The following KCNIP1 variants were observed in gnomAD, a reference collection of about 807,000 sequenced individuals.
KCNIP1 encodes the protein A-type potassium channel modulatory protein KCNIP1.
KCNIP1 carries 18 observed loss-of-function variants against 33.0 expected under a neutral mutation model. The observed-to-expected ratio is 0.55, with a 90% CI of 0.38 to 0.81. KCNIP1 has a LOEUF of 0.81. KCNIP1 is among the 30% of genes least tolerant of loss of function. The probability of loss-of-function intolerance (pLI) is 0.00; values close to 1 mark genes in which losing one functional copy is unlikely to be tolerated. For missense variants in KCNIP1, 238 were observed against 271.6 expected, an observed-to-expected ratio of 0.88 and a Z score of 0.87; for synonymous variants, 93 against 98.3, an observed-to-expected ratio of 0.95 and a Z score of 0.32.
chr5:170,639,999 C>T (rs947369548), intron 1 of KCNIP1, among the ~76,000 whole-genome samples: 4 of 152,246 alleles, frequency 2.6e-5, no homozygotes, highest in Non-Finnish European at 5.9e-5. Context: ...AATATCACCC[C>T]ATGGCTGCCA....
At chr5:170,409,980 G>A (rs544787913) in intron 1 of KCNIP1, among the ~76,000 whole-genome samples, 1 of 132,076 alleles carries the variant, frequency 7.6e-6, no homozygotes, top group East Asian at 2.0e-4. Flanking sequence ...CATTTGACTG[G>A]CATTTTTAAG....
At chr5:170,606,593 G>GT (rs1330270675) in intron 1 of KCNIP1, among the ~76,000 whole-genome samples, 1 of 152,162 alleles carries the variant, frequency 6.6e-6, no homozygotes, top group South Asian at 2.1e-4. Flanking sequence ...CATCTCAAAT[G>GT]TTTTTTCCAT....
In KCNIP1 at chr5:170,380,699, G is replaced by A. The variant is rs1764204386; in HGVS notation, c.88+26735G>A. 2.0e-5 allele frequency among the ~76,000 whole-genome samples: 3 copies of A among 152,350 alleles called. No homozygotes were observed. The South Asian group carries it at 6.2e-4, about 32-fold the overall frequency. ...CAGGTCCTCAGTAGCATATAATCCA[G>A]CATCCTGAGCTGACGGTGAGGGGGC... On this transcript the variant is annotated intron_variant, in intron 1 of 7. Coordinates refer to the KCNIP1 transcript ENST00000377360.
rs112625990 is a variant in KCNIP1 at position 170,702,720 on chromosome 5, G to C, written c.62-16038G>C. Among the ~76,000 whole-genome samples the C allele has an allele frequency of 3.5e-3, 536 of 152,296 alleles. 2 individuals carry two copies. The highest frequency in any genetic ancestry group is 0.012 in the African/African-American group (491 of 41,560). ...AGGTTCCAAAGCATCTGCCCATCAA[G>C]CAGATGATGTGATTAGTCTCTGTGA... On this transcript the variant is annotated intron_variant, in intron 1 of 7. Coordinates refer to ENST00000328939, the MANE Select transcript of KCNIP1 (RefSeq NM_014592.4).
At chr5:170,427,409 A>G (rs1755639158) in intron 1 of KCNIP1, among the ~76,000 whole-genome samples, 1 of 152,114 alleles carries the variant, frequency 6.6e-6, no homozygotes, top group Non-Finnish European at 1.5e-5. Context: ...CATCTCATCT[A>G]ATCCTCACTG....
At position 170,676,984 on chromosome 5, in the gene KCNIP1, T is replaced by G. The variant is rs142511480; in HGVS notation, c.62-41774T>G. ...TGCACCCAGCAATTTCCAGAGGAAGTCTGATTCCCCTACCTGAAGTAACAC... is the reference window on the plus strand; with the variant it reads ...TGCACCCAGCAATTTCCAGAGGAAGGCTGATTCCCCTACCTGAAGTAACAC... On this transcript the variant is annotated intron_variant, in intron 1 of 7. Coordinates refer to ENST00000328939, the MANE Select transcript of KCNIP1 (RefSeq NM_014592.4). Among the ~76,000 whole-genome samples, 751 of 152,288 alleles carry G rather than the reference T, an allele frequency of 4.9e-3. 2 individuals carry two copies. The highest frequency in any genetic ancestry group is 0.017 in the African/African-American group (715 of 41,558).
At chr5:170,553,007 T>C (rs113971097) in intron 1 of KCNIP1, among the ~76,000 whole-genome samples, 2,363 of 152,346 alleles carry the variant, frequency 0.016, 74 homozygotes, top group African/African-American at 0.054. Flanking sequence ...CTGCTTGATA[T>C]GCAGGGAATT....
intron 1 of KCNIP1, among the ~76,000 whole-genome samples, chr5:170,653,704 G>A (rs1365442524): frequency 6.6e-6 from 1 of 151,404 alleles, no homozygotes; most frequent in Non-Finnish European, 1.5e-5. Flanking sequence ...TCTCATCTCT[G>A]CTTGTTTCCC....
chr5:170,567,232 G>A (rs1162902935), intron 1 of KCNIP1, among the ~76,000 whole-genome samples: 1 of 152,230 alleles, frequency 6.6e-6, no homozygotes, highest in African/African-American at 2.4e-5. Context: ...CTGGTGAGCA[G>A]GGAGACCAGG....
At chr5:170,470,487 G>C (rs1217483317) in intron 1 of KCNIP1, among the ~76,000 whole-genome samples, 5 of 152,136 alleles carry the variant, frequency 3.3e-5, no homozygotes, top group African/African-American at 1.2e-4. Context: ...GCCAAACACT[G>C]ATATTGGGAT....
At chr5:170,378,945 T>G in intron 1 of KCNIP1, 16 of 1,614,108 alleles carry the variant, frequency 9.9e-6, no homozygotes, top group Non-Finnish European at 1.4e-5. Flanking sequence ...CGTCTGGTAA[T>G]TGTCCACGCT....
intron 1 of KCNIP1, among the ~76,000 whole-genome samples, chr5:170,698,861 A>G (rs941602240): frequency 3.9e-5 from 6 of 152,158 alleles, no homozygotes; most frequent in African/African-American, 7.2e-5. Context: ...TATTCCCACC[A>G]TTTCCCAGAT....
At chr5:170,466,814 C>T (rs1272883913) in intron 1 of KCNIP1, among the ~76,000 whole-genome samples, 1 of 152,138 alleles carries the variant, frequency 6.6e-6, no homozygotes, top group African/African-American at 2.4e-5. Flanking sequence ...TCCCCAAATC[C>T]CCACCTCCTA....
intron 1 of KCNIP1, among the ~76,000 whole-genome samples, chr5:170,656,285 A>G (rs1761260924): frequency 1.3e-5 from 2 of 152,220 alleles, no homozygotes; most frequent in Non-Finnish European, 2.9e-5. Flanking sequence ...ACACACAAGA[A>G]TTAATTGCAA....
At chr5:170,534,513 GAGAAGA>G (rs61690608) in intron 1 of KCNIP1, among the ~76,000 whole-genome samples, 1 of 150,488 alleles carries the variant, frequency 6.6e-6, no homozygotes, top group Non-Finnish European at 1.5e-5. Flanking sequence ...GGAGGAGAAG[GAGAAGA>G]AGGAGAAGGA....
intron 1 of KCNIP1, among the ~76,000 whole-genome samples, chr5:170,612,127 G>A (rs1759185201): frequency 6.6e-6 from 1 of 152,156 alleles, no homozygotes; most frequent in Non-Finnish European, 1.5e-5. Context: ...TGCAACCAGC[G>A]AGCTCATGGC....
intron 1 of KCNIP1, among the ~76,000 whole-genome samples, chr5:170,574,941 T>G (rs891099214): frequency 3.9e-5 from 6 of 152,202 alleles, no homozygotes; most frequent in Non-Finnish European, 2.9e-5. Context: ...GTTTGTTTGT[T>G]TTTCATCAAT....
chr5:170,356,374 G>A (rs1763348493), intron 1 of KCNIP1, among the ~76,000 whole-genome samples: 1 of 152,126 alleles, frequency 6.6e-6, no homozygotes, highest in African/African-American at 2.4e-5. Flanking sequence ...TACCAGCCTT[G>A]CAAATACCTG....
intron 1 of KCNIP1, among the ~76,000 whole-genome samples, chr5:170,359,575 C>G (rs571010877): frequency 6.6e-6 from 1 of 152,216 alleles, no homozygotes; most frequent in African/African-American, 2.4e-5. Flanking sequence ...CTCTGCAACC[C>G]TGGAACCTCT....
Sources: allele counts gnomAD v4.1 joint callset (sites outside exome capture counted in the v4.1 genomes callset), GRCh38; gene constraint gnomAD v4.1.1; transcripts MANE v1.5; gene names NCBI Gene and HGNC (gene_info 2026-07-23, HGNC 2026-07-21).